Variants in LMBRD1 observed in about 807,000 individuals in gnomAD.
LMBRD1 encodes lysosomal cobalamin transport escort protein LMBD1.
LMBRD1 carries 64 observed loss-of-function variants against 74.8 expected under a neutral mutation model. That is an observed-to-expected ratio of 0.86 (90% CI 0.70 to 1.05). LMBRD1 has a LOEUF of 1.05. Ranked by LOEUF, LMBRD1 falls within the 50% of genes least tolerant of loss-of-function variation. The pLI is 0.00. For synonymous variants in LMBRD1, 204 were observed against 216.3 expected (o/e 0.94, Z 0.50); for missense variants, 652 against 645.9 (o/e 1.01, Z -0.10).
intron 3 of LMBRD1, among the ~76,000 whole-genome samples, chr6:69,773,199 G>A (rs1053265690): frequency 6.6e-6 from 1 of 152,112 alleles, no homozygotes; most frequent in Non-Finnish European, 1.5e-5. Flanking sequence ...CTGCTCATGT[G>A]TGGATTAATG....
chr6:69,724,358 A>G (rs1315363519), intron 7 of LMBRD1, among the ~76,000 whole-genome samples: 1 of 149,458 alleles, frequency 6.7e-6, no homozygotes, highest in Non-Finnish European at 1.5e-5. Context: ...TAAAAAAAAA[A>G]AAAAAAACAC....
At chr6:69,784,297 C>G in intron 2 of LMBRD1, among the ~76,000 whole-genome samples, 1 of 152,164 alleles carries the variant, frequency 6.6e-6, no homozygotes, top group Non-Finnish European at 1.5e-5. Context: ...GATATGAATT[C>G]CACAGAACAA....
rs527809329 is a variant in LMBRD1 at position 69,728,529 on chromosome 6, G to C, written c.636+9413C>G. On this transcript the variant is annotated intron_variant, in intron 7 of 15. Coordinates refer to ENST00000649934, the MANE Select transcript of LMBRD1 (RefSeq NM_018368.4). Reference sequence around the variant, plus strand: ...ATTTGTCCTCAATGCTTGTTATTCTGTGTTGGATGGATTAGGTTCCCTGAA... The same window carrying C: ...ATTTGTCCTCAATGCTTGTTATTCTCTGTTGGATGGATTAGGTTCCCTGAA... Among the ~76,000 whole-genome samples, 9 of 152,246 alleles carry C rather than the reference G, an allele frequency of 5.9e-5. No homozygotes were observed. In the South Asian group the frequency reaches 1.4e-3, roughly 25 times the overall value.
At chr6:69,693,680 T>C (rs1169625376) in intron 14 of LMBRD1, among the ~76,000 whole-genome samples, 2 of 151,936 alleles carry the variant, frequency 1.3e-5, no homozygotes, top group Non-Finnish European at 2.9e-5. Context: ...TCATGAAATA[T>C]GTTGTAAAGA....
At chr6:69,696,414 C>T (rs944144959) in intron 14 of LMBRD1, among the ~76,000 whole-genome samples, 1 of 152,050 alleles carries the variant, frequency 6.6e-6, no homozygotes, top group Non-Finnish European at 1.5e-5. Flanking sequence ...CAGATCATAA[C>T]TTCTACTTTC....
intron 3 of LMBRD1, among the ~76,000 whole-genome samples, chr6:69,757,787 T>C (rs960381248): frequency 6.6e-6 from 1 of 152,186 alleles, no homozygotes; most frequent in Non-Finnish European, 1.5e-5. Flanking sequence ...TCTCATATCC[T>C]AACATCTCTA....
At chr6:69,721,679 G>A (rs1766617971) in intron 7 of LMBRD1, among the ~76,000 whole-genome samples, 2 of 152,178 alleles carry the variant, frequency 1.3e-5, no homozygotes, top group African/African-American at 4.8e-5. Flanking sequence ...TTCTGTCTGA[G>A]AAAAGTAAAG....
At chr6:69,716,123 G>A (rs115904782) in intron 8 of LMBRD1, among the ~76,000 whole-genome samples, 1,993 of 152,190 alleles carry the variant, frequency 0.013, 42 homozygotes, top group African/African-American at 0.046. Flanking sequence ...ATTCCTCTGG[G>A]TATATACCCT....
intron 5 of LMBRD1, among the ~76,000 whole-genome samples, chr6:69,742,686 A>C (rs1767129585): frequency 6.6e-6 from 1 of 152,162 alleles, no homozygotes; most frequent in Admixed American, 6.5e-5. Flanking sequence ...GTGTAAGCAA[A>C]GTGATAAGAT....
intron 14 of LMBRD1, among the ~76,000 whole-genome samples, chr6:69,691,950 C>T (rs12662629): frequency 0.36 from 54,363 of 150,728 alleles, 10,376 homozygotes; most frequent in East Asian, 0.54. Flanking sequence ...TTTGAATCAC[C>T]TCTTGATGAT....
chr6:69,743,183 T>G (rs1767144577), intron 5 of LMBRD1, among the ~76,000 whole-genome samples: 1 of 152,124 alleles, frequency 6.6e-6, no homozygotes, highest in African/African-American at 2.4e-5. Flanking sequence ...GTTCTGGATA[T>G]CCCAAAAAGT....
At chr6:69,708,062 T>C (rs2149849346) in intron 9 of LMBRD1, among the ~76,000 whole-genome samples, 1 of 152,294 alleles carries the variant, frequency 6.6e-6, no homozygotes, top group Admixed American at 6.5e-5. Flanking sequence ...ATAAGAAGTA[T>C]ATATAGTAAA....
intron 7 of LMBRD1, among the ~76,000 whole-genome samples, chr6:69,731,516 T>C (rs1270357883): frequency 6.6e-6 from 1 of 152,120 alleles, no homozygotes; most frequent in African/African-American, 2.4e-5. Flanking sequence ...TTTCATACTT[T>C]GTGATGGTAT....
At chr6:69,775,637 CT>C (rs1765682817) in intron 3 of LMBRD1, among the ~76,000 whole-genome samples, 1 of 152,162 alleles carries the variant, frequency 6.6e-6, no homozygotes, top group Non-Finnish European at 1.5e-5. Context: ...ACAAAAGTCC[CT>C]TTTGAAGCAG....
At chr6:69,756,664 G>A (rs1252229485) in intron 3 of LMBRD1, among the ~76,000 whole-genome samples, 2 of 152,128 alleles carry the variant, frequency 1.3e-5, no homozygotes, top group Non-Finnish European at 2.9e-5. Context: ...TTATGTAAAA[G>A]GACCTCTGCC....
chr6:69,730,789 G>A (rs866449155), intron 7 of LMBRD1, among the ~76,000 whole-genome samples: 21 of 152,070 alleles, frequency 1.4e-4, no homozygotes, highest in Admixed American at 5.2e-4. Context: ...GCATAATTCT[G>A]TATTTTCTTA....
chr6:69,782,642 C>T (rs1717561177), intron 2 of LMBRD1, among the ~76,000 whole-genome samples: 1 of 151,702 alleles, frequency 6.6e-6, no homozygotes, highest in Non-Finnish European at 1.5e-5. Context: ...GATCATGCCA[C>T]TACACTCTAG....
rs1445529997 is a variant in LMBRD1 at position 69,674,545 on chromosome 6, C to A, written c.*1613G>T. ...CAGAAGAAGGCTTAGTTTGCCCCCA[C>A]AAAAGTGAATACTTCAATTTTCAAA... On this transcript the variant is annotated 3_prime_UTR_variant, in exon 16 of 16. Transcript: ENST00000649934. 6.6e-6 allele frequency among the ~76,000 whole-genome samples: 1 copy of A among 152,132 alleles called. No individual in the cohort carries two copies. Among genetic ancestry groups the A allele is most frequent in the African/African-American group, 2.4e-5 (1 of 41,438 alleles).
chr6:69,702,128 G>C (rs1250920709), intron 9 of LMBRD1, among the ~76,000 whole-genome samples, 175 bp from the exon 10 acceptor site: 1 of 151,850 alleles, frequency 6.6e-6, no homozygotes, highest in African/African-American at 2.4e-5. Flanking sequence ...TTTTCATTAT[G>C]AGACTATTTG....
Sources: gnomAD v4.1 joint callset for allele counts (sites outside exome capture counted in the v4.1 genomes callset) on GRCh38, gnomAD v4.1.1 for gene constraint, MANE v1.5 for transcripts, NCBI Gene and HGNC (gene_info 2026-07-23, HGNC 2026-07-21) for gene names.